Variants in KIF25 observed in about 807,000 individuals in gnomAD.
KIF25 encodes kinesin-like protein KIF25.
In KIF25, 19 loss-of-function variants were observed where a neutral mutation model predicts 32.9. The observed-to-expected ratio is 0.58, with a 90% CI of 0.40 to 0.85. The LOEUF is 0.85. KIF25 is among the 40% of genes least tolerant of loss of function. The probability of loss-of-function intolerance (pLI) is 0.00; values close to 1 mark genes in which losing one functional copy is unlikely to be tolerated. For synonymous variants in KIF25, 225 were observed against 213.7 expected, an observed-to-expected ratio of 1.05 and a Z score of -0.46; for missense variants, 485 against 507.0, an observed-to-expected ratio of 0.96 and a Z score of 0.42.
rs1208172142 is a variant in KIF25, at chr6:168,042,011, A to G, written c.689A>G (p.Glu230Gly). 1 of 1,551,972 alleles carries G rather than the reference A, an allele frequency of 6.4e-7. No homozygotes were observed. The highest frequency in any genetic ancestry group is 1.7e-4 in the Middle Eastern group (1 of 5,952). The stretch of plus-strand genomic sequence containing the variant: ...GCCACCCTCCCCAGGGAGCAAACAG[A>G]GGCAGGAAGGGCAGGAAGGAGCCGC... ...CSATLPREQT[E>G]AGRAGRSRRA... The change falls in exon 11 of 13, where the codon GAG (glutamate) becomes GGG (glycine). Residue 230 changes from glutamate to glycine, a missense_variant. By Grantham distance (98) the Glu-to-Gly change is moderately conservative. Transcript: ENST00000643607.
chr6:168,018,504 G>T (rs1029266797), intron 5 of KIF25, among the ~76,000 whole-genome samples: 2 of 152,074 alleles, frequency 1.3e-5, no homozygotes. Context: ...ATAAGACGAG[G>T]GACATCTGTA....
At chr6:168,025,248 G>A (rs1189062187) in intron 5 of KIF25, among the ~76,000 whole-genome samples, 1 of 152,168 alleles carries the variant, frequency 6.6e-6, no homozygotes, top group African/African-American at 2.4e-5. Context: ...GCTGGGGAAT[G>A]TCTCCTTCGT....
chr6:168,003,962 A>G (rs992975922), intron 4 of KIF25, among the ~76,000 whole-genome samples: 11 of 152,228 alleles, frequency 7.2e-5, no homozygotes, highest in African/African-American at 2.4e-4. Flanking sequence ...AATATGAGCA[A>G]GTTCTAAAAT....
At chr6:168,036,334 T>A (rs1402418094) in intron 8 of KIF25, among the ~76,000 whole-genome samples, 2 of 152,166 alleles carry the variant, frequency 1.3e-5, no homozygotes, top group African/African-American at 2.4e-5. Context: ...TTAAAAAGTC[T>A]AGAGTGGAAA....
chr6:168,027,743 G>A (rs1798883676), intron 5 of KIF25, among the ~76,000 whole-genome samples: 1 of 152,148 alleles, frequency 6.6e-6, no homozygotes, highest in South Asian at 2.1e-4. Context: ...AGATGCATGG[G>A]TTGTTCCGGT....
chr6:168,018,265 T>C (rs905155835), intron 5 of KIF25, among the ~76,000 whole-genome samples: 1 of 152,150 alleles, frequency 6.6e-6, no homozygotes, highest in Non-Finnish European at 1.5e-5. Context: ...ACCCTTCTGG[T>C]TTTTGCTTTC....
chr6:168,040,065 G>A lies in KIF25; in HGVS notation c.495G>A (p.Glu165=), dbSNP rs1799093594. ...GRTEVALLAS[E]AVGSASKLME... ...TCCCCACTGCTTGCCTTGTCTGTAGGGCTGTCGGCAGCGCCTCGAAACTGA... is the reference window on the plus strand; with the variant it reads ...TCCCCACTGCTTGCCTTGTCTGTAGAGCTGTCGGCAGCGCCTCGAAACTGA... Residue 165 remains glutamate (E), a splice_region_variant and synonymous_variant, in exon 10 of 13, where the codon GAG becomes GAA. Coordinates refer to ENST00000643607, the MANE Select transcript of KIF25 (RefSeq NM_030615.4). 6.2e-7 allele frequency: 1 copy of A among 1,611,514 alleles called. No individual in the cohort carries two copies. The highest frequency in any genetic ancestry group is 1.3e-5 in the African/African-American group (1 of 74,888).
At chr6:167,999,567 C>A (rs907679778) in intron 2 of KIF25, among the ~76,000 whole-genome samples, 1 of 152,240 alleles carries the variant, frequency 6.6e-6, no homozygotes, top group African/African-American at 2.4e-5. Flanking sequence ...GGTAGTGGTT[C>A]TGCACCTGAG....
intron 5 of KIF25, among the ~76,000 whole-genome samples, chr6:168,023,670 G>A (rs1798818918): frequency 6.6e-6 from 1 of 152,164 alleles, no homozygotes; most frequent in Non-Finnish European, 1.5e-5. Context: ...CCAAGGGCTA[G>A]GATTAAAGGC....
At chr6:168,034,128 A>C in intron 8 of KIF25, 97 bp downstream of exon 8, 1 of 1,302,882 alleles carries the variant, frequency 7.7e-7, no homozygotes, top group African/African-American at 1.5e-5. Context: ...TTACCATTTG[A>C]AGAAGGTGAT....
intron 5 of KIF25, among the ~76,000 whole-genome samples, chr6:168,021,010 A>G (rs767828292): frequency 1.1e-4 from 17 of 152,246 alleles, no homozygotes; most frequent in Admixed American, 5.2e-4. Flanking sequence ...AAGGTGAAGG[A>G]ACTATAATAG....
intron 4 of KIF25, among the ~76,000 whole-genome samples, chr6:168,012,908 T>C (rs1365794240): frequency 1.3e-5 from 2 of 151,660 alleles, no homozygotes; most frequent in African/African-American, 4.9e-5. Context: ...TGTGTGGCTG[T>C]TTCGTGGGTT....
chr6:168,024,903 T>A (rs962476411), intron 5 of KIF25, among the ~76,000 whole-genome samples: 1 of 151,852 alleles, frequency 6.6e-6, no homozygotes, highest in African/African-American at 2.4e-5. Flanking sequence ...ATACAAAAAT[T>A]AGCTGGGCGT....
intron 10 of KIF25, 135 bp downstream of exon 10, chr6:168,040,351 A>G (rs1211769048): frequency 1.3e-5 from 11 of 854,844 alleles, no homozygotes; most frequent in Non-Finnish European, 1.9e-5. Context: ...GGATCACCTG[A>G]GGTCAAGAGT....
At chr6:168,037,528 G>A (rs900912550) in intron 8 of KIF25, among the ~76,000 whole-genome samples, 4 of 152,174 alleles carry the variant, frequency 2.6e-5, no homozygotes, top group Non-Finnish European at 4.4e-5. Context: ...ATTTGGTGAC[G>A]AGGTTGGAAG....
chr6:168,009,568 C>T lies in KIF25; in HGVS notation c.-163+5865C>T, dbSNP rs550159137. Among the ~76,000 whole-genome samples the T allele has an allele frequency of 9.9e-5, 15 of 152,062 alleles. No homozygotes were observed. In the East Asian group the frequency reaches 2.3e-3, roughly 23 times the overall value. On this transcript the variant is annotated intron_variant, in intron 4 of 12. Transcript: ENST00000643607. ...TTGTCATTGTCTGGTTTTGGTATCC[C>T]GGTTATGCTGGCCTTGTAGAATGAG...
chr6:168,037,057 G>A (rs1398200408), intron 8 of KIF25, among the ~76,000 whole-genome samples: 2 of 152,156 alleles, frequency 1.3e-5, no homozygotes, highest in African/African-American at 4.8e-5. Context: ...GCGAGACTTT[G>A]TCTCAGATAA....
intron 2 of KIF25, among the ~76,000 whole-genome samples, chr6:168,002,276 C>T (rs1441699774): frequency 8.0e-6 from 1 of 124,638 alleles, no homozygotes; most frequent in Admixed American, 7.9e-5. Context: ...GGTGAGAAGA[C>T]ACCTTCAGGC....
chr6:168,026,367 T>C (rs1798860723), intron 5 of KIF25, among the ~76,000 whole-genome samples: 1 of 152,158 alleles, frequency 6.6e-6, no homozygotes, highest in African/African-American at 2.4e-5. Flanking sequence ...TGGAAGAATT[T>C]GTGCAACTTG....
Sources: allele counts gnomAD v4.1 joint callset (sites outside exome capture counted in the v4.1 genomes callset), GRCh38; gene constraint gnomAD v4.1.1; transcripts MANE v1.5; gene names NCBI Gene and HGNC (gene_info 2026-07-23, HGNC 2026-07-21).